SMARCA4: variants seen among roughly 807,000 people sequenced by gnomAD.
SMARCA4 encodes SWI/SNF-related matrix-associated actin-dependent regulator of chromatin subfamily A member 4.
Under a neutral mutation model 193.9 loss-of-function variants are expected in SMARCA4, and 31 were observed. The ratio of observed to expected loss-of-function variants is 0.16; its 90% confidence interval spans 0.12 to 0.22. The LOEUF is 0.22. SMARCA4 is among the 10% of genes least tolerant of loss of function. The pLI, the probability that SMARCA4 is intolerant of heterozygous loss-of-function variation, is 1.00. For synonymous variants in SMARCA4, 942 were observed against 933.1 expected, an observed-to-expected ratio of 1.01 and a Z score of -0.17; for missense variants, 1,148 against 2,296.0, an observed-to-expected ratio of 0.50 and a Z score of 10.22.
Position 10,991,007 on chromosome 19 carries a change from G to A in SMARCA4, c.1246-143G>A, listed in dbSNP as rs66687979. On this transcript the variant is annotated intron_variant, in intron 7 of 34. Coordinates refer to ENST00000344626, the MANE Select transcript of SMARCA4 (RefSeq NM_003072.5). ...CCCTGCCCGGGGGCACCTGCTAGAC[G>A]TCCCCTGCACACACGGACTGGGTGT... The A allele has an allele frequency of 2.6e-3, 3,563 of 1,367,664 alleles. 79 individuals are homozygous for A. In the African/African-American group the frequency reaches 0.045, roughly 17 times the overall value. 84.7% of individuals were successfully genotyped at this position (1,367,664 alleles called of 1,614,324 possible). A position where few individuals can be genotyped will look rare whatever the true frequency, so the allele number is the denominator to read the frequency against.
chr19:11,016,261 GGTTCACGAGGCC>G (rs2089352588), intron 16 of SMARCA4, among the ~76,000 whole-genome samples: 1 of 151,974 alleles, frequency 6.6e-6, no homozygotes, highest in South Asian at 2.1e-4. Flanking sequence ...CGTTCACGAG[GGTTCACGAGGCC>G]GTTCACGAGG....
At chr19:11,023,328 GTT>G (rs1453243663) in intron 19 of SMARCA4, among the ~76,000 whole-genome samples, 188 bp from the exon 20 acceptor site, 2 of 152,350 alleles carry the variant, frequency 1.3e-5, no homozygotes, top group East Asian at 3.9e-4. Flanking sequence ...GATCCTCACA[GTT>G]TCCTAAGGAA....
rs1399776572 is a variant in SMARCA4, at chr19:10,984,663, C to T, written c.222+290C>T. Among the ~76,000 whole-genome samples, 1 of 152,262 alleles carries T rather than the reference C, an allele frequency of 6.6e-6. No individual in the cohort carries two copies. Among genetic ancestry groups the T allele is most frequent in the East Asian group, 1.9e-4 (1 of 5,204 alleles). ...TTTGGGAATATCACTACAAAGTTTT[C>T]TTTTGGTAATGAAGAAAAACATCCA... is the stretch of plus-strand genomic sequence containing the variant. On this transcript the variant is annotated intron_variant, in intron 2 of 34. Coordinates refer to ENST00000344626, the MANE Select transcript of SMARCA4 (RefSeq NM_003072.5). This position sits in a 1 kb window ranked among gnomAD's most constrained non-coding sequence, Gnocchi z 4.3.
chr19:11,007,854 C>T (rs762141705), intron 13 of SMARCA4, 48 bp from the exon 14 acceptor site: 4 of 1,610,328 alleles, frequency 2.5e-6, no homozygotes, highest in Non-Finnish European at 3.4e-6. Context: ...GTCCCGTCCC[C>T]CCTCTCTGGG....
intron 30 of SMARCA4, among the ~76,000 whole-genome samples, chr19:11,046,250 A>C (rs1317824856): frequency 1.3e-5 from 2 of 151,664 alleles, no homozygotes; most frequent in Non-Finnish European, 2.9e-5. Flanking sequence ...CCCAAATCTT[A>C]ACTCTTACTG....
At chr19:11,022,499 G>A (rs1263049829) in intron 19 of SMARCA4, among the ~76,000 whole-genome samples, 10 of 152,220 alleles carry the variant, frequency 6.6e-5, no homozygotes. Flanking sequence ...ATTGATGAGT[G>A]GTCCCACACC....
intron 29 of SMARCA4, among the ~76,000 whole-genome samples, chr19:11,036,357 T>A (rs2075270002): frequency 6.6e-6 from 1 of 152,168 alleles, no homozygotes; most frequent in Non-Finnish European, 1.5e-5. Context: ...TCCTGGGGGC[T>A]CAAGTGATCC....
chr19:10,995,545 T>C lies in SMARCA4; in HGVS notation c.1593+544T>C, dbSNP rs1263665963. The stretch of plus-strand genomic sequence containing the variant: ...GAGTGGAAGGGGAGGGACAGGGTAG[T>C]AAGTAAAAGCCTTGAAACAGAGGCC... On this transcript the variant is annotated intron_variant, in intron 9 of 34. Coordinates refer to ENST00000344626, the MANE Select transcript of SMARCA4 (RefSeq NM_003072.5). 1.8e-5 allele frequency: 8 copies of C among 455,162 alleles called. No individual in the cohort carries two copies. The East Asian group carries it at 5.6e-4, about 32-fold the overall frequency. 28.2% of individuals were successfully genotyped at this position (455,162 alleles called of 1,614,324 possible).
chr19:11,022,066 G>A (rs2146429100), intron 19 of SMARCA4, 99 bp downstream of exon 19: 2 of 1,563,864 alleles, frequency 1.3e-6, no homozygotes, highest in Non-Finnish European at 1.7e-6. Context: ...CTGGGCCTGT[G>A]CTGGGTGCCT....
intron 30 of SMARCA4, among the ~76,000 whole-genome samples, chr19:11,042,309 T>G (rs1180009157): frequency 1.3e-5 from 2 of 152,224 alleles, no homozygotes; most frequent in Admixed American, 1.3e-4. Context: ...ACCATTTAAA[T>G]AAGAAGAAAG....
At chr19:11,032,926 C>T (rs1388428774) in intron 25 of SMARCA4, among the ~76,000 whole-genome samples, 1 of 152,258 alleles carries the variant, frequency 6.6e-6, no homozygotes, top group Admixed American at 6.5e-5. Context: ...CTTCGGCCCC[C>T]TGTTGTAAAT....
At chr19:11,055,664 A>G (rs1307165868) in intron 30 of SMARCA4, among the ~76,000 whole-genome samples, 1 of 152,176 alleles carries the variant, frequency 6.6e-6, no homozygotes, top group African/African-American at 2.4e-5. Flanking sequence ...GTGTGCAGTA[A>G]GCCCCCCATG....
intron 1 of SMARCA4, among the ~76,000 whole-genome samples, 160 bp from the exon 2 acceptor site, chr19:10,983,961 C>G (rs557456833): frequency 1.9e-4 from 29 of 152,250 alleles, no homozygotes; most frequent in Admixed American, 1.8e-3. Context: ...AGGACTTCCT[C>G]TGAGAGTGAT....
At chr19:10,991,438 C>G (rs942653096) in intron 8 of SMARCA4, 115 bp downstream of exon 8, 70 of 1,492,038 alleles carry the variant, frequency 4.7e-5, no homozygotes, top group Non-Finnish European at 6.1e-5. Context: ...TTGTCTCTCT[C>G]TTTTGCTCAT....
rs2075122098 is a variant in SMARCA4, at chr19:11,034,215, C to G, written c.3951+15C>G. On this transcript the variant is annotated intron_variant, in intron 28 of 34. Transcript: ENST00000344626. This position sits in a 1 kb window ranked among gnomAD's most constrained non-coding sequence, Gnocchi z 7.0. ...ATCTGTTCATGGTAAGCGCTGCAGGCTGGATGGGGCAGTTCAGGCATCCCA... is the reference window on the plus strand; with the variant it reads ...ATCTGTTCATGGTAAGCGCTGCAGGGTGGATGGGGCAGTTCAGGCATCCCA... 1 of 1,601,970 alleles carries G rather than the reference C, an allele frequency of 6.2e-7. No individual in the cohort carries two copies. The highest frequency in any genetic ancestry group is 8.6e-7 in the Non-Finnish European group (1 of 1,169,276).
chr19:11,036,691 A>G (rs888795141), intron 29 of SMARCA4, among the ~76,000 whole-genome samples: 1 of 152,134 alleles, frequency 6.6e-6, no homozygotes, highest in Non-Finnish European at 1.5e-5. Context: ...ATATGATACA[A>G]TCATCTTCAG....
Position 10,996,317 on chromosome 19 carries a change from G to A in SMARCA4, c.1698G>A (p.Glu566=), listed in dbSNP as rs1600082399. The A allele has an allele frequency of 6.2e-7, 1 of 1,614,222 alleles. No homozygotes were observed. The highest frequency in any genetic ancestry group is 8.5e-7 in the Non-Finnish European group (1 of 1,180,036). ...QTDEYVANLT[E]LVRQHKAAQV... ...ACGAGTACGTGGCTAACCTCACGGA[G>A]CTGGTGCGGCAGCACAAGGCTGCCC... The change falls in exon 10 of 35, where the codon GAG becomes GAA. Residue 566 remains glutamate, a synonymous_variant. Transcript: ENST00000344626.
rs952521786 is a variant in SMARCA4 at position 10,987,378 on chromosome 19, A to T, written c.860-288A>T. On this transcript the variant is annotated intron_variant, in intron 5 of 34. Coordinates refer to ENST00000344626, the MANE Select transcript of SMARCA4 (RefSeq NM_003072.5). The surrounding 1 kb of genome is among the most constrained non-coding windows in gnomAD (Gnocchi z 5.3). The stretch of plus-strand genomic sequence containing the variant: ...ATTGCTTCCACTGGATTTAGTTGGC[A>T]CTAGGAGGAGATGACAGGAAATGCT... 6.6e-6 allele frequency among the ~76,000 whole-genome samples: 1 copy of T among 152,196 alleles called. No homozygotes were observed. Among genetic ancestry groups the T allele is most frequent in the African/African-American group, 2.4e-5 (1 of 41,450 alleles).
rs1335153555 is a variant in SMARCA4, at chr19:10,985,965, C to T, written c.356-224C>T. ...TTCATGCACAGGTTCTCAGCATTAA[C>T]CAGAAGCACCTTACTGAGACGTGGG... On this transcript the variant is annotated intron_variant, in intron 3 of 34. Coordinates refer to ENST00000344626, the MANE Select transcript of SMARCA4 (RefSeq NM_003072.5). The surrounding 1 kb of genome is among the most constrained non-coding windows in gnomAD (Gnocchi z 4.5). 6.6e-6 allele frequency among the ~76,000 whole-genome samples: 1 copy of T among 152,102 alleles called. No individual in the cohort carries two copies. The highest frequency in any genetic ancestry group is 6.5e-5 in the Admixed American group (1 of 15,278).
Sources: allele counts gnomAD v4.1 joint callset (sites outside exome capture counted in the v4.1 genomes callset), GRCh38; gene constraint gnomAD v4.1.1; non-coding constraint Gnocchi (gnomAD v3.1); transcripts MANE v1.5; gene names NCBI Gene and HGNC (gene_info 2026-07-23, HGNC 2026-07-21).